Variants in HPSE2 observed in about 807,000 individuals in gnomAD.
HPSE2 encodes inactive heparanase-2.
In HPSE2, 38 loss-of-function variants were observed where a neutral mutation model predicts 60.5. That is an observed-to-expected ratio of 0.63 (90% CI 0.48 to 0.82). The LOEUF is 0.82. Ranked by LOEUF, HPSE2 falls within the 40% of genes least tolerant of loss-of-function variation. HPSE2 has a pLI of 0.00. For missense variants in HPSE2, 713 were observed against 740.4 expected (o/e 0.96, Z 0.43); for synonymous variants, 295 against 293.2 (o/e 1.01, Z -0.06).
At chr10:98,713,970 C>G in intron 5 of HPSE2, among the ~76,000 whole-genome samples, 1 of 152,008 alleles carries the variant, frequency 6.6e-6, no homozygotes, top group East Asian at 1.9e-4. Context: ...TTTCTACCTT[C>G]TATTTCTATC....
chr10:98,715,421 C>G (rs374715378), intron 5 of HPSE2, among the ~76,000 whole-genome samples: 1 of 151,894 alleles, frequency 6.6e-6, no homozygotes, highest in Non-Finnish European at 1.5e-5. Flanking sequence ...TTTTAAAGCA[C>G]TGGATCTTGA....
intron 2 of HPSE2, among the ~76,000 whole-genome samples, chr10:99,172,379 G>T (rs1298686126): frequency 6.6e-6 from 1 of 152,178 alleles, no homozygotes; most frequent in Non-Finnish European, 1.5e-5. Context: ...GCCTTGTGAA[G>T]AACCAGGCTT....
chr10:98,760,676 T>C (rs1949984989), intron 3 of HPSE2, among the ~76,000 whole-genome samples: 1 of 152,136 alleles, frequency 6.6e-6, no homozygotes, highest in African/African-American at 2.4e-5. Flanking sequence ...AGTCTCTTAC[T>C]GTGCTGTTGA....
intron 2 of HPSE2, among the ~76,000 whole-genome samples, chr10:99,217,296 G>A (rs1015064817): frequency 2.7e-5 from 4 of 150,120 alleles, no homozygotes; most frequent in Non-Finnish European, 5.9e-5. Context: ...TTAGAAATTC[G>A]GCATCTTATT....
intron 9 of HPSE2, among the ~76,000 whole-genome samples, chr10:98,541,169 T>G (rs1943444298): frequency 6.6e-6 from 1 of 152,246 alleles, no homozygotes; most frequent in South Asian, 2.1e-4. Context: ...CCTTATGCTA[T>G]CCTTATACTG....
At chr10:99,027,343 T>C (rs1236894942) in intron 3 of HPSE2, among the ~76,000 whole-genome samples, 1 of 148,702 alleles carries the variant, frequency 6.7e-6, no homozygotes, top group Non-Finnish European at 1.5e-5. Context: ...TGAGTAACTA[T>C]ATACCAATAA....
intron 6 of HPSE2, among the ~76,000 whole-genome samples, chr10:98,673,402 C>T (rs948248435): frequency 1.2e-4 from 18 of 152,178 alleles, no homozygotes; most frequent in African/African-American, 3.9e-4. Flanking sequence ...GTCTCATACG[C>T]CAGATTGTTC....
chr10:99,215,239 A>G (rs373211557), intron 2 of HPSE2, among the ~76,000 whole-genome samples: 6 of 152,344 alleles, frequency 3.9e-5, no homozygotes, highest in African/African-American at 1.2e-4. Context: ...ATTTTCACCA[A>G]TGAAGAAAAT....
At chr10:98,508,199 TGGAAAG>T (rs895770624) in intron 9 of HPSE2, among the ~76,000 whole-genome samples, 1 of 152,214 alleles carries the variant, frequency 6.6e-6, no homozygotes, top group African/African-American at 2.4e-5. Flanking sequence ...ATTTATTAGT[TGGAAAG>T]GGAAAACTAA....
At chr10:98,994,050 G>C (rs574058729) in intron 3 of HPSE2, among the ~76,000 whole-genome samples, 1 of 152,260 alleles carries the variant, frequency 6.6e-6, no homozygotes, top group South Asian at 2.1e-4. Context: ...TGCCAGAATA[G>C]CACAGAAATT....
At chr10:98,670,570 G>A (rs1255165512) in intron 6 of HPSE2, among the ~76,000 whole-genome samples, 1 of 152,176 alleles carries the variant, frequency 6.6e-6, no homozygotes, top group Non-Finnish European at 1.5e-5. Context: ...TTTATACTCA[G>A]TACCTGTTTT....
chr10:99,186,509 C>T (rs1401773684), intron 2 of HPSE2, among the ~76,000 whole-genome samples: 1 of 124,568 alleles, frequency 8.0e-6, no homozygotes, highest in African/African-American at 3.2e-5. Flanking sequence ...CGCCAGTGTA[C>T]TCCAGCCTAG....
At chr10:99,091,805 T>A (rs1843524548) in intron 3 of HPSE2, among the ~76,000 whole-genome samples, 1 of 152,302 alleles carries the variant, frequency 6.6e-6, no homozygotes, top group Non-Finnish European at 1.5e-5. Flanking sequence ...TTTTTTCTCA[T>A]CCTTTTACCA....
chr10:99,076,293 A>G (rs1222544280), intron 3 of HPSE2, among the ~76,000 whole-genome samples: 1 of 152,172 alleles, frequency 6.6e-6, no homozygotes, highest in Non-Finnish European at 1.5e-5. Flanking sequence ...CTGATAATGT[A>G]ACTTTGATTG....
At chr10:98,713,707 T>C (rs906437438) in intron 5 of HPSE2, among the ~76,000 whole-genome samples, 2 of 151,976 alleles carry the variant, frequency 1.3e-5, no homozygotes, top group South Asian at 2.1e-4. Context: ...TACTTGACCA[T>C]GGAATGTTTT....
chr10:99,159,958 T>C (rs1846756032), intron 2 of HPSE2, among the ~76,000 whole-genome samples: 1 of 151,732 alleles, frequency 6.6e-6, no homozygotes, highest in African/African-American at 2.4e-5. Context: ...CTGGCCAACA[T>C]GGTGAAACCC....
intron 3 of HPSE2, among the ~76,000 whole-genome samples, chr10:99,008,744 C>A (rs991557257): frequency 6.6e-6 from 1 of 152,158 alleles, no homozygotes; most frequent in African/African-American, 2.4e-5. Context: ...CAGAAACCCT[C>A]AAGTCCATCT....
intron 9 of HPSE2, among the ~76,000 whole-genome samples, chr10:98,524,614 C>A (rs1942905405): frequency 6.6e-6 from 1 of 152,112 alleles, no homozygotes; most frequent in African/African-American, 2.4e-5. Context: ...ACTAGTTGTT[C>A]TTTTTTCTTT....
intron 3 of HPSE2, among the ~76,000 whole-genome samples, chr10:98,944,810 T>A (rs562862113): frequency 6.6e-6 from 1 of 152,122 alleles, no homozygotes; most frequent in Non-Finnish European, 1.5e-5. Flanking sequence ...TCTCCATCCT[T>A]GACCTTTTTA....
Sources: allele counts gnomAD v4.1 joint callset (sites outside exome capture counted in the v4.1 genomes callset), GRCh38; gene constraint gnomAD v4.1.1; transcripts MANE v1.5; gene names NCBI Gene and HGNC (gene_info 2026-07-23, HGNC 2026-07-21).